ERI3: variants seen among roughly 807,000 people sequenced by gnomAD.
The protein encoded by ERI3 is ERI1 exoribonuclease 3.
In ERI3, 18 loss-of-function variants were observed where a neutral mutation model predicts 44.4. That is an observed-to-expected ratio of 0.41 (90% confidence interval 0.28 to 0.60). The LOEUF (loss-of-function observed/expected upper bound fraction) is 0.60, where lower values mean the gene tolerates loss of function less well. ERI3 is among the 20% of genes least tolerant of loss of function. ERI3 has a pLI of 0.36. For synonymous variants in ERI3, 183 were observed against 164.8 expected, an observed-to-expected ratio of 1.11 and a Z score of -0.84; for missense variants, 294 against 435.5, an observed-to-expected ratio of 0.68 and a Z score of 2.89.
chr1:44,285,687 C>T (rs1645380290), intron 6 of ERI3, among the ~76,000 whole-genome samples: 1 of 152,042 alleles, frequency 6.6e-6, no homozygotes, highest in Non-Finnish European at 1.5e-5. Flanking sequence ...CAGGAACTTA[C>T]GAGTCAAAAA....
intron 4 of ERI3, among the ~76,000 whole-genome samples, chr1:44,315,107 C>T (rs973158068): frequency 2.0e-5 from 3 of 152,234 alleles, no homozygotes; most frequent in Non-Finnish European, 4.4e-5. Flanking sequence ...GGCTCAACAT[C>T]AGGACCATCC....
At chr1:44,323,327 A>G (rs1646242565) in intron 3 of ERI3, among the ~76,000 whole-genome samples, 1 of 152,236 alleles carries the variant, frequency 6.6e-6, no homozygotes, top group Non-Finnish European at 1.5e-5. Flanking sequence ...AACAAAGAAC[A>G]GTACACTGTG....
intron 2 of ERI3, among the ~76,000 whole-genome samples, chr1:44,343,110 T>A (rs1421401336): frequency 1.3e-5 from 2 of 151,300 alleles, no homozygotes; most frequent in Non-Finnish European, 2.9e-5. Context: ...GATGAGCGCA[T>A]AACATCTTGT....
intron 8 of ERI3, among the ~76,000 whole-genome samples, chr1:44,223,202 A>G (rs1557761385): frequency 2.0e-5 from 3 of 152,196 alleles, no homozygotes; most frequent in East Asian, 3.9e-4. Context: ...AGTGGCGACC[A>G]TGGCAACTCC....
Position 44,352,878 on chromosome 1 carries a change from G to T in ERI3, c.183C>A (p.Ala61=). ...TCCTTACTTCGAAGATGCCAAGACC[G>T]GCAGCTGGGGATGCTGAAGGTTCTG... ...ALTEPSASPA[A]GLGIFEVRRV... Residue 61 remains alanine, a synonymous_variant, in exon 2 of 9, where the codon GCC becomes GCA. Transcript: ENST00000372257. The T allele has an allele frequency of 6.2e-7, 1 of 1,614,076 alleles. No homozygotes were observed. The highest frequency in any genetic ancestry group is 1.1e-5 in the South Asian group (1 of 91,080).
In ERI3 at chr1:44,323,849, G is replaced by T. The variant is rs139104926; in HGVS notation, c.490-4105C>A. Among the ~76,000 whole-genome samples, 43 of 152,356 alleles carry T rather than the reference G, an allele frequency of 2.8e-4. 1 individual carries two copies. The East Asian group carries it at 8.3e-3, about 29-fold the overall frequency. On this transcript the variant is annotated intron_variant, in intron 3 of 8. Transcript: ENST00000372257. Reference sequence around the variant, plus strand: ...AACTCCAAAATGGGAAAATGAGAATGAGACTTAAGAGTAGGACTAGCAGCT... The same window carrying T: ...AACTCCAAAATGGGAAAATGAGAATTAGACTTAAGAGTAGGACTAGCAGCT...
intron 3 of ERI3, among the ~76,000 whole-genome samples, chr1:44,338,754 G>A (rs1396625373): frequency 1.3e-5 from 2 of 152,298 alleles, no homozygotes; most frequent in Non-Finnish European, 2.9e-5. Flanking sequence ...AGTAGCAGGA[G>A]AATGGAGGAA....
At position 44,355,000 on chromosome 1, in the gene ERI3, G is replaced by C; in HGVS notation, c.27C>G (p.Asp9Glu). Residue 9 changes from aspartate to glutamate, a missense_variant, in exon 1 of 9, where the codon GAC (aspartate) becomes GAG (glutamate). This residue lies in a region of ERI3 where 107 missense variants were observed against 96.9 expected (regional missense o/e 1.10). Coordinates refer to ENST00000372257, the MANE Select transcript of ERI3 (RefSeq NM_024066.3). The stretch of plus-strand genomic sequence containing the variant: ...CTTCCCAGGGCCGCCCCCGCCCCCC[G>C]TCAGCAGCGGGAGAGGCTGTCGCCA... MATASPAADGGRGRPWEGG... is the reference protein window; with the variant it reads MATASPAAEGGRGRPWEGG... The C allele has an allele frequency of 7.2e-7, 1 of 1,381,970 alleles. No homozygotes were observed. The highest frequency in any genetic ancestry group is 1.5e-5 in the African/African-American group (1 of 66,972). The allele number at this position is 1,381,970 out of a possible 1,614,324, so 85.6% of individuals were successfully genotyped here.
At chr1:44,282,642 G>A (rs920590989) in intron 7 of ERI3, among the ~76,000 whole-genome samples, 3 of 152,198 alleles carry the variant, frequency 2.0e-5, no homozygotes, top group African/African-American at 7.2e-5. Flanking sequence ...TGTTGGTAAG[G>A]ACTGAGCTAA....
At chr1:44,350,525 G>A (rs1460303093) in intron 2 of ERI3, among the ~76,000 whole-genome samples, 1 of 152,162 alleles carries the variant, frequency 6.6e-6, no homozygotes, top group Non-Finnish European at 1.5e-5. Context: ...GCCTCCCAAA[G>A]TGCTGGGATT....
intron 1 of ERI3, chr1:44,354,599 A>T: frequency 1.0e-6 from 1 of 985,400 alleles, no homozygotes; most frequent in South Asian, 4.7e-5. Flanking sequence ...CGAGAGGGTC[A>T]AGGGAATGTT....
At chr1:44,281,969 G>C (rs1289622072) in intron 7 of ERI3, among the ~76,000 whole-genome samples, 1 of 150,518 alleles carries the variant, frequency 6.6e-6, no homozygotes, top group Non-Finnish European at 1.5e-5. Context: ...TGATCTCCTG[G>C]AGGGAGCTGG....
chr1:44,313,103 G>A (rs373702321), intron 5 of ERI3, 66 bp downstream of exon 5: 113 of 1,343,642 alleles, frequency 8.4e-5, no homozygotes, highest in Non-Finnish European at 1.1e-4. Context: ...ACATTCTCAG[G>A]AGGGGAGGGA....
intron 7 of ERI3, among the ~76,000 whole-genome samples, chr1:44,259,298 T>TGGAGGTGGGGTGGGGGAAGGGC (rs1644839552): frequency 6.6e-6 from 1 of 150,478 alleles, no homozygotes; most frequent in South Asian, 2.1e-4. Flanking sequence ...GCTGACTGAT[T>TGGAGGTGGGGTGGGGGAAGGGC]GGAGGTGGGG....
intron 2 of ERI3, 33 bp from the exon 3 acceptor site, chr1:44,339,355 A>AG: frequency 1.4e-6 from 2 of 1,481,470 alleles, no homozygotes; most frequent in African/African-American, 1.4e-5. Context: ...AAAAAAAAAA[A>AG]AAAGAAAAGA....
At chr1:44,297,070 C>T (rs866009333) in intron 6 of ERI3, among the ~76,000 whole-genome samples, 3 of 152,114 alleles carry the variant, frequency 2.0e-5, no homozygotes, top group African/African-American at 4.8e-5. Flanking sequence ...CAGGCTGCCT[C>T]GGGCTGCCTG....
chr1:44,347,324 A>G (rs1646804972), intron 2 of ERI3, among the ~76,000 whole-genome samples: 1 of 152,206 alleles, frequency 6.6e-6, no homozygotes, highest in Non-Finnish European at 1.5e-5. Flanking sequence ...AGCAGAATTA[A>G]AAGAACGGCA....
intron 3 of ERI3, among the ~76,000 whole-genome samples, chr1:44,324,983 T>G (rs1646279088): frequency 1.3e-5 from 2 of 152,086 alleles, no homozygotes; most frequent in Non-Finnish European, 2.9e-5. Flanking sequence ...AGATCTTTTG[T>G]TGAGGAGAGA....
At chr1:44,336,635 G>A (rs1557862473) in intron 3 of ERI3, among the ~76,000 whole-genome samples, 1 of 152,246 alleles carries the variant, frequency 6.6e-6, no homozygotes, top group Non-Finnish European at 1.5e-5. Flanking sequence ...CTAGCTGTTT[G>A]CTGATTGATT....
Sources: allele counts gnomAD v4.1 joint callset (sites outside exome capture counted in the v4.1 genomes callset), GRCh38; gene constraint gnomAD v4.1.1; regional missense constraint gnomAD v4.1.1; transcripts MANE v1.5; gene names NCBI Gene and HGNC (gene_info 2026-07-23, HGNC 2026-07-21).